PLEKHA4: variants seen among roughly 807,000 people sequenced by gnomAD.
PLEKHA4 encodes the protein pleckstrin homology domain containing A4, also known as pleckstrin homology domain-containing family A member 4.
In PLEKHA4, 73 loss-of-function variants were observed where a neutral mutation model predicts 94.7. That is an observed-to-expected ratio of 0.77 (90% CI 0.64 to 0.94). The LOEUF is 0.94. Among genes scored for constraint, PLEKHA4 ranks in the 40% least tolerant of loss-of-function variants. The pLI is 0.00. For synonymous variants in PLEKHA4, 449 were observed against 437.1 expected (o/e 1.03, Z -0.34); for missense variants, 1,049 against 1,054.1 (o/e 1.00, Z 0.07).
intron 3 of PLEKHA4, among the ~76,000 whole-genome samples, chr19:48,863,431 T>TG (rs2036717377): frequency 7.3e-6 from 1 of 137,198 alleles, no homozygotes. Context: ...TTAGGTTTTT[T>TG]GTTTTTTTTT....
chr19:48,860,839 AAG>A (rs917470509), intron 5 of PLEKHA4, among the ~76,000 whole-genome samples: 10 of 150,902 alleles, frequency 6.6e-5, no homozygotes, highest in South Asian at 2.1e-4. Context: ...GAAAGAAAGA[AAG>A]AGAGAGAGAG....
In PLEKHA4 at chr19:48,837,243, C is replaced by T; in HGVS notation, c.*46G>A. On this transcript the variant is annotated 3_prime_UTR_variant, in exon 20 of 20. Transcript: ENST00000263265. This position sits in a 1 kb window ranked among gnomAD's most constrained non-coding sequence, Gnocchi z 4.3. ...TGGTCCCAGATCTCCGGCGGTACCTCCAGACCACGTCCTCGCGCTCCGATT... is the reference window on the plus strand; with the variant it reads ...TGGTCCCAGATCTCCGGCGGTACCTTCAGACCACGTCCTCGCGCTCCGATT... 1 of 1,613,800 alleles carries T rather than the reference C, an allele frequency of 6.2e-7. No homozygotes were observed. The highest frequency in any genetic ancestry group is 8.5e-7 in the Non-Finnish European group (1 of 1,179,850).
In PLEKHA4 at chr19:48,860,317, A is replaced by G. The variant is rs776772984; in HGVS notation, c.476+33T>C. On this transcript the variant is annotated intron_variant, in intron 6 of 19. Coordinates refer to ENST00000263265, the MANE Select transcript of PLEKHA4 (RefSeq NM_020904.3). Reference sequence around the variant, plus strand: ...GGATGACGAGACTGACTCAGGGTGGAGGGTCAGGAGCATGGCTTGGACCTC... The same window carrying G: ...GGATGACGAGACTGACTCAGGGTGGGGGGTCAGGAGCATGGCTTGGACCTC... 4 of 1,557,820 alleles carry G rather than the reference A, an allele frequency of 2.6e-6. No homozygotes were observed. In the East Asian group the frequency reaches 6.7e-5, roughly 26 times the overall value.
At chr19:48,847,849 G>A (rs2122977416) in intron 14 of PLEKHA4, 51 bp downstream of exon 14, 1 of 1,515,228 alleles carries the variant, frequency 6.6e-7, no homozygotes, top group Non-Finnish European at 8.8e-7. Flanking sequence ...ACTGAGTCAA[G>A]GACAGGTGGG....
chr19:48,850,875 C>G (rs1359448948), intron 13 of PLEKHA4, among the ~76,000 whole-genome samples: 1 of 151,912 alleles, frequency 6.6e-6, no homozygotes, highest in Non-Finnish European at 1.5e-5. Context: ...CACAGTGGCT[C>G]ACACCGGTAA....
At position 48,841,281 on chromosome 19, in the gene PLEKHA4, G is replaced by A; in HGVS notation, c.1773C>T (p.Ala591=). Residue 591 remains alanine (A), a synonymous_variant, in exon 17 of 20, where the codon GCC becomes GCT. Transcript: ENST00000263265. ...TGCGCATCCGCTCCAGCTGCTCCTG[G>A]GCACTCATCCGGGGCCGGGCCACCG... The part of the protein sequence containing the change: ...KAPVARPRMS[A]QEQLERMRRN... 1 of 1,613,144 alleles carries A rather than the reference G, an allele frequency of 6.2e-7. No homozygotes were observed.
At chr19:48,856,171 CA>C (rs763000093) in intron 9 of PLEKHA4, among the ~76,000 whole-genome samples, 209 of 60,318 alleles carry the variant, frequency 3.5e-3, no homozygotes, top group African/African-American at 8.3e-3. Flanking sequence ...AACTCCTTCT[CA>C]AAAAAAAAAA....
In PLEKHA4 at chr19:48,845,363, A is replaced by C. The variant is rs1224386243; in HGVS notation, c.1743+7T>G. 2 of 1,612,100 alleles carry C rather than the reference A, an allele frequency of 1.2e-6. No individual in the cohort carries two copies. The highest frequency in any genetic ancestry group is 4.5e-5 in the East Asian group (2 of 44,890). ...TGCAAGGATTACAGGATGGACCTAC[A>C]GCTTACCTTGGTTCCTAGCTGTGGG... On this transcript the variant is annotated splice_region_variant and intron_variant, in intron 16 of 19. Coordinates refer to ENST00000263265, the MANE Select transcript of PLEKHA4 (RefSeq NM_020904.3).
intron 8 of PLEKHA4, among the ~76,000 whole-genome samples, chr19:48,858,177 T>G (rs760696611): frequency 1.3e-5 from 2 of 152,094 alleles, no homozygotes; most frequent in African/African-American, 2.4e-5. Flanking sequence ...CAGTCAGCTG[T>G]GGATATTCTG....
rs368889192 is a variant in PLEKHA4, at chr19:48,865,971, A to G, written c.85-361T>C. 1.5e-3 allele frequency among the ~76,000 whole-genome samples: 225 copies of G among 151,292 alleles called. 1 individual carries two copies. Among genetic ancestry groups the G allele is most frequent in the African/African-American group, 5.1e-3 (212 of 41,286 alleles). The stretch of plus-strand genomic sequence containing the variant: ...GGAGCTTGCAGTGAGCCGAGATCGC[A>G]CCACTGCACTCCAGCCCGGGAGACA... On this transcript the variant is annotated intron_variant, in intron 2 of 19. Transcript: ENST00000263265.
rs573353716 is a variant in PLEKHA4 at position 48,858,575 on chromosome 19, C to T, written c.972+285G>A. On this transcript the variant is annotated intron_variant, in intron 8 of 19. Transcript: ENST00000263265. ...CCGGGAGACAGAGGTTGTAGTGAGC[C>T]GAGATCGTGCCACTGCCCTCTAACC... Among the ~76,000 whole-genome samples the T allele has an allele frequency of 3.4e-5, 5 of 146,540 alleles. No individual in the cohort carries two copies. In the South Asian group the frequency reaches 8.6e-4, roughly 25 times the overall value.
At chr19:48,838,151 G>T (rs1355747099) in intron 18 of PLEKHA4, 22 bp from the exon 19 acceptor site, 2 of 1,513,408 alleles carry the variant, frequency 1.3e-6, no homozygotes, top group Non-Finnish European at 1.8e-6. Flanking sequence ...AAGAAGATTG[G>T]GGGTGGGGGT....
At chr19:48,859,729 A>G (rs1288559710) in intron 6 of PLEKHA4, 45 bp from the exon 7 acceptor site, 2 of 1,542,750 alleles carry the variant, frequency 1.3e-6, no homozygotes, top group Non-Finnish European at 1.8e-6. Context: ...CGAACTTCAT[A>G]ACAGCCCTAT....
rs766385316 is a variant in PLEKHA4 at position 48,845,537 on chromosome 19, T to C, written c.1646A>G (p.Asp549Gly). ...CTCACCTAAGTGAGGGCTGGCGAGG[T>C]CTTTGTCGCCTCCAGGAGGCCGCCC... ...DWGRPPGGDK[D>G]LASPHLGLGS... The change falls in exon 15 of 20, where the codon GAC becomes GGC. Residue 549 changes from aspartate to glycine, a missense_variant. By Grantham distance (94) the Asp-to-Gly change is moderately conservative. Transcript: ENST00000263265. 4 of 1,610,690 alleles carry C rather than the reference T, an allele frequency of 2.5e-6. No homozygotes were observed. In the East Asian group the frequency reaches 8.9e-5, roughly 36 times the overall value.
At chr19:48,843,527 A>AT in intron 16 of PLEKHA4, among the ~76,000 whole-genome samples, 1 of 150,660 alleles carries the variant, frequency 6.6e-6, no homozygotes, top group East Asian at 2.0e-4. Flanking sequence ...GTTGCCCAGG[A>AT]TGGAGTGCAG....
At chr19:48,841,117 C>A (rs1400935125) in intron 17 of PLEKHA4, 32 bp downstream of exon 17, 3 of 1,592,154 alleles carry the variant, frequency 1.9e-6, no homozygotes, top group African/African-American at 2.7e-5. Context: ...TACTACCACC[C>A]CACCGCCCAG....
chr19:48,863,168 C>T (rs565624844), intron 3 of PLEKHA4, among the ~76,000 whole-genome samples: 8 of 152,340 alleles, frequency 5.3e-5, no homozygotes, highest in Middle Eastern at 3.4e-3. Flanking sequence ...AGTTAGATCA[C>T]GTGAGTCCCC....
At chr19:48,845,169 G>A (rs2035919563) in intron 16 of PLEKHA4, 2 of 551,772 alleles carry the variant, frequency 3.6e-6, no homozygotes, top group South Asian at 4.6e-5. Flanking sequence ...AAAAATGAAG[G>A]CACAGAGAGG....
At chr19:48,851,600 G>A (rs893673683) in intron 13 of PLEKHA4, among the ~76,000 whole-genome samples, 1 of 151,150 alleles carries the variant, frequency 6.6e-6, no homozygotes, top group Non-Finnish European at 1.5e-5. Context: ...CGGGCAACAA[G>A]AGTAAAACTC....
Sources: allele counts gnomAD v4.1 joint callset (sites outside exome capture counted in the v4.1 genomes callset), GRCh38; gene constraint gnomAD v4.1.1; non-coding constraint Gnocchi (gnomAD v3.1); transcripts MANE v1.5; gene names NCBI Gene and HGNC (gene_info 2026-07-23, HGNC 2026-07-21).